Variants in NR6A1 observed in about 807,000 individuals in gnomAD.
The protein encoded by NR6A1 is retinoic acid receptor-related testis-associated receptor.
NR6A1 carries 7 observed loss-of-function variants against 59.1 expected under a neutral mutation model. The observed-to-expected ratio is 0.12, with a 90% CI of 0.07 to 0.22. The LOEUF (loss-of-function observed/expected upper bound fraction) is 0.22. Ranked by LOEUF, NR6A1 falls within the 10% of genes least tolerant of loss-of-function variation. NR6A1 has a pLI of 1.00. For missense variants in NR6A1, 468 were observed against 611.6 expected (o/e 0.77, Z 2.48); for synonymous variants, 243 against 236.1 (o/e 1.03, Z -0.27).
At chr9:124,540,390 C>T (rs1182679850) in intron 4 of NR6A1, among the ~76,000 whole-genome samples, 3 of 152,192 alleles carry the variant, frequency 2.0e-5, no homozygotes, top group South Asian at 2.1e-4. Context: ...GGCCTTCCTC[C>T]TGCTCATTTA....
At chr9:124,759,453 G>T (rs371288657) in intron 1 of NR6A1, among the ~76,000 whole-genome samples, 3 of 152,112 alleles carry the variant, frequency 2.0e-5, no homozygotes, top group African/African-American at 4.8e-5. Flanking sequence ...CTTAGATATT[G>T]GCCCCAATTT....
intron 4 of NR6A1, 83 bp downstream of exon 4, chr9:124,543,717 GAA>G: frequency 2.0e-6 from 2 of 1,018,168 alleles, no homozygotes; most frequent in Non-Finnish European, 2.9e-6. Context: ...AGCAGCAGAT[GAA>G]AGAGTCAAGG....
intron 2 of NR6A1, among the ~76,000 whole-genome samples, chr9:124,708,342 G>C (rs545040170): frequency 1.3e-5 from 2 of 152,146 alleles, no homozygotes; most frequent in South Asian, 4.1e-4. Context: ...AACAGGCCCA[G>C]GCAACACGAC....
chr9:124,572,200 ACACT>A (rs1834456833), intron 2 of NR6A1, among the ~76,000 whole-genome samples: 1 of 152,212 alleles, frequency 6.6e-6, no homozygotes, highest in South Asian at 2.1e-4. Flanking sequence ...AGGTGCCAAA[ACACT>A]CAATCGATAT....
intron 2 of NR6A1, among the ~76,000 whole-genome samples, chr9:124,676,349 C>T (rs931287439): frequency 1.3e-4 from 20 of 152,110 alleles, no homozygotes; most frequent in African/African-American, 4.1e-4. Context: ...TATGTACTCT[C>T]AGATTCTTAC....
At chr9:124,550,805 G>C (rs1452493587) in intron 3 of NR6A1, among the ~76,000 whole-genome samples, 1 of 152,076 alleles carries the variant, frequency 6.6e-6, no homozygotes, top group Admixed American at 6.6e-5. Flanking sequence ...CAAAGTGCTG[G>C]GATTACAGGT....
In NR6A1 at chr9:124,540,000, A is replaced by T. The variant is rs745541730; in HGVS notation, c.596+33T>A. 11 of 1,558,590 alleles carry T rather than the reference A, an allele frequency of 7.1e-6. No individual in the cohort carries two copies. In the East Asian group the frequency reaches 9.5e-5, roughly 13 times the overall value. Reference sequence around the variant, plus strand: ...GCTCTCCCTTTGGTGGGGGATCCCTAGATGATGACCATGGGTTTGCCTTAA... The same window carrying T: ...GCTCTCCCTTTGGTGGGGGATCCCTTGATGATGACCATGGGTTTGCCTTAA... On this transcript the variant is annotated intron_variant, in intron 5 of 9. Transcript: ENST00000487099.
chr9:124,624,929 T>C (rs1176724977), intron 2 of NR6A1, among the ~76,000 whole-genome samples: 4 of 151,404 alleles, frequency 2.6e-5, no homozygotes, highest in East Asian at 1.9e-4. Flanking sequence ...TTTTTTTTTT[T>C]CTACCAACCT....
At chr9:124,609,950 C>T (rs1265963292) in intron 2 of NR6A1, among the ~76,000 whole-genome samples, 1 of 152,196 alleles carries the variant, frequency 6.6e-6, no homozygotes, top group African/African-American at 2.4e-5. Flanking sequence ...GATTTTTGCA[C>T]ATTGATTTTG....
Position 124,543,748 on chromosome 9 carries a change from GCTGGAGCC to G in NR6A1, c.441+46_441+53del. 3.5e-6 allele frequency: 5 copies of G among 1,418,952 alleles called. 1 individual carries two copies. The highest frequency in any genetic ancestry group is 1.8e-4 in the Middle Eastern group (1 of 5,520). The allele number at this position is 1,418,952 out of a possible 1,614,324, so 87.9% of individuals were successfully genotyped here. On this transcript the variant is annotated intron_variant, in intron 4 of 9. Coordinates refer to ENST00000487099, the MANE Select transcript of NR6A1 (RefSeq NM_033334.4). ...GTCAAGGTGAGCAGTTTCAGGAACA[GCTGGAGCC>G]CTGGGCTTCCAGGACGGACCACAGA...
At chr9:124,598,926 C>G in intron 2 of NR6A1, 1 of 700,810 alleles carries the variant, frequency 1.4e-6, no homozygotes, top group South Asian at 1.5e-5. Context: ...TTGGGGCACT[C>G]GTCGTTCCAG....
At chr9:124,622,404 A>C (rs1390271495) in intron 2 of NR6A1, among the ~76,000 whole-genome samples, 2 of 152,226 alleles carry the variant, frequency 1.3e-5, no homozygotes, top group African/African-American at 2.4e-5. Context: ...TCAGACCGGC[A>C]AAACAGCAAA....
At chr9:124,637,678 T>A (rs1836649842) in intron 2 of NR6A1, among the ~76,000 whole-genome samples, 1 of 151,772 alleles carries the variant, frequency 6.6e-6, no homozygotes, top group Non-Finnish European at 1.5e-5. Context: ...ATCACTTGAG[T>A]CCAGGAGTTC....
At chr9:124,553,561 T>A (rs1833842711) in intron 3 of NR6A1, among the ~76,000 whole-genome samples, 1 of 147,502 alleles carries the variant, frequency 6.8e-6, no homozygotes, top group East Asian at 2.0e-4. Context: ...TTTTTTTTTT[T>A]TTTTTTTTTT....
intron 2 of NR6A1, among the ~76,000 whole-genome samples, chr9:124,563,514 C>T (rs1332761981): frequency 6.6e-6 from 1 of 152,140 alleles, no homozygotes; most frequent in African/African-American, 2.4e-5. Context: ...AATATTAGTA[C>T]TTACCTCATA....
rs556058759 is a variant in NR6A1, at chr9:124,555,942, C to G, written c.143-1372G>C. On this transcript the variant is annotated intron_variant, in intron 2 of 9. Coordinates refer to ENST00000487099, the MANE Select transcript of NR6A1 (RefSeq NM_033334.4). ...TCCTGAAAGGAAAAGCTTTCGAAGG[C>G]AATGTTAGCAGAGGGTCATGGTAGT... Among the ~76,000 whole-genome samples the G allele has an allele frequency of 5.7e-4, 87 of 152,258 alleles. 1 individual carries two copies. The South Asian group carries it at 0.017, about 30-fold the overall frequency.
At chr9:124,736,276 T>C (rs1471644361) in intron 1 of NR6A1, among the ~76,000 whole-genome samples, 1 of 152,176 alleles carries the variant, frequency 6.6e-6, no homozygotes, top group Non-Finnish European at 1.5e-5. Context: ...CAAAGCCTAA[T>C]GTACCTTCTG....
At chr9:124,556,354 G>A (rs1833924762) in intron 2 of NR6A1, among the ~76,000 whole-genome samples, 1 of 152,112 alleles carries the variant, frequency 6.6e-6, no homozygotes, top group South Asian at 2.1e-4. Context: ...ACCAAGGAAT[G>A]ACGGCAGTCA....
At chr9:124,616,676 G>C (rs1835904168) in intron 2 of NR6A1, among the ~76,000 whole-genome samples, 1 of 152,010 alleles carries the variant, frequency 6.6e-6, no homozygotes, top group Non-Finnish European at 1.5e-5. Flanking sequence ...GTAGGAAAAA[G>C]ACAAGCAAAC....
Sources: allele counts gnomAD v4.1 joint callset (sites outside exome capture counted in the v4.1 genomes callset), GRCh38; gene constraint gnomAD v4.1.1; transcripts MANE v1.5; gene names NCBI Gene and HGNC (gene_info 2026-07-23, HGNC 2026-07-21).